The following RAPGEF2 variants were observed in gnomAD, a reference collection of about 807,000 sequenced individuals.
RAPGEF2 encodes Rap guanine nucleotide exchange factor 2.
RAPGEF2 carries 54 observed loss-of-function variants against 186.7 expected under a neutral mutation model. The ratio of observed to expected loss-of-function variants is 0.29; its 90% confidence interval spans 0.23 to 0.36. The LOEUF (loss-of-function observed/expected upper bound fraction) is 0.36. Among genes scored for constraint, RAPGEF2 ranks in the 10% least tolerant of loss-of-function variants. The pLI is 1.00. For synonymous variants in RAPGEF2, 712 were observed against 705.9 expected (o/e 1.01, Z -0.14); for missense variants, 1,532 against 2,045.0 (o/e 0.75, Z 4.84).
At chr4:159,243,734 C>T (rs1754281573) in intron 6 of RAPGEF2, 40 bp from the exon 7 acceptor site, 1 of 1,244,378 alleles carries the variant, frequency 8.0e-7, no homozygotes, top group African/African-American at 1.5e-5. Flanking sequence ...TCATCTTTTC[C>T]TTTCCTCCTT....
chr4:159,228,485 T>A (rs1276896063), intron 4 of RAPGEF2: 2 of 152,192 alleles, frequency 1.3e-5, no homozygotes, highest in Non-Finnish European at 2.9e-5. Context: ...GCCTTCGTAT[T>A]GTATAATAAT....
At chr4:159,173,702 TAGAG>T (rs1487319917) in intron 1 of RAPGEF2, among the ~76,000 whole-genome samples, 3 of 152,190 alleles carry the variant, frequency 2.0e-5, no homozygotes, top group Non-Finnish European at 4.4e-5. Context: ...ATCATTTTAT[TAGAG>T]AGAGAGTGTA....
intron 1 of RAPGEF2, among the ~76,000 whole-genome samples, chr4:159,176,026 T>C (rs1561046678): frequency 6.6e-6 from 1 of 152,152 alleles, no homozygotes; most frequent in Non-Finnish European, 1.5e-5. Context: ...ATAGAGCACA[T>C]GTGAAGGCCC....
chr4:159,238,567 C>T (rs759153828), intron 4 of RAPGEF2, among the ~76,000 whole-genome samples: 2 of 152,130 alleles, frequency 1.3e-5, no homozygotes, highest in Non-Finnish European at 2.9e-5. Flanking sequence ...CCTTTACTTA[C>T]ATTATTAATT....
intron 1 of RAPGEF2, among the ~76,000 whole-genome samples, chr4:159,179,280 T>C (rs1395230137): frequency 6.6e-6 from 1 of 152,116 alleles, no homozygotes; most frequent in Non-Finnish European, 1.5e-5. Flanking sequence ...GTTGGGAAGG[T>C]TAGAAATTTT....
chr4:159,356,334 T>C lies in RAPGEF2; in HGVS notation c.4957+176T>C, dbSNP rs80103821. On this transcript the variant is annotated intron_variant, in intron 29 of 29. Coordinates refer to ENST00000691494, the MANE Select transcript of RAPGEF2 (RefSeq NM_001394067.2). ...GGTTACAGCTGTTGACTGCTTTCTT[T>C]TGTGTGTGTGTGTGTGTTTCCTTAA... Among the ~76,000 whole-genome samples, 902 of 151,648 alleles carry C rather than the reference T, an allele frequency of 5.9e-3. 5 individuals carry two copies. Among genetic ancestry groups the C allele is most frequent in the Non-Finnish European group, 9.1e-3 (617 of 67,834 alleles).
Position 159,331,449 on chromosome 4 carries a change from T to C in RAPGEF2, c.1486T>C (p.Leu496=), listed in dbSNP as rs759252424. The C allele has an allele frequency of 3.2e-5, 51 of 1,610,874 alleles. No individual in the cohort carries two copies. Among genetic ancestry groups the C allele is most frequent in the Non-Finnish European group, 4.2e-5 (49 of 1,177,656 alleles). Residue 496 remains leucine (L), a synonymous_variant, in exon 14 of 30, where the codon TTG becomes CTG. Transcript: ENST00000691494. ...TTTTCAGGTTACACGGGTAGTATTA[T>C]TGTGGGTAAATAATCACTTCAATGA... is the stretch of plus-strand genomic sequence containing the variant. ...LRDKVTRVVL[L]WVNNHFNDFE...
intron 4 of RAPGEF2, among the ~76,000 whole-genome samples, chr4:159,210,954 A>C (rs549159201): frequency 6.6e-6 from 1 of 152,328 alleles, no homozygotes; most frequent in South Asian, 2.1e-4. Context: ...GAGGCAAAGA[A>C]AGTTCATTAA....
chr4:159,104,302 C>T lies in RAPGEF2; in HGVS notation c.69+71C>T. 4 of 800,762 alleles carry T rather than the reference C, an allele frequency of 5.0e-6. No individual in the cohort carries two copies. The South Asian group carries it at 5.5e-5, about 11-fold the overall frequency. The allele number at this position is 800,762 out of a possible 1,614,324, so 49.6% of individuals were successfully genotyped here. On this transcript the variant is annotated intron_variant, in intron 1 of 29. Coordinates refer to ENST00000691494, the MANE Select transcript of RAPGEF2 (RefSeq NM_001394067.2). ...CAGGCTGCGTCTTCCCCTGTCCCCC[C>T]ACCTCCTTCCTGACACAGTTCGCCC...
At chr4:159,272,202 G>A (rs541962768) in intron 7 of RAPGEF2, among the ~76,000 whole-genome samples, 51 of 152,228 alleles carry the variant, frequency 3.4e-4, no homozygotes, top group African/African-American at 9.2e-4. Context: ...TACAGGCCAC[G>A]ATTCATTTGT....
intron 13 of RAPGEF2, 77 bp from the exon 14 acceptor site, chr4:159,331,354 G>T: frequency 3.9e-6 from 3 of 778,246 alleles, no homozygotes; most frequent in South Asian, 2.0e-5. Context: ...TTGAAAGTTG[G>T]ATATCTTTTC....
chr4:159,348,237 TA>T (rs1561329794), intron 25 of RAPGEF2, among the ~76,000 whole-genome samples: 16 of 135,116 alleles, frequency 1.2e-4, no homozygotes, highest in African/African-American at 3.3e-4. Context: ...GATAGATAGA[TA>T]GATAGATGGA....
At chr4:159,260,117 A>G (rs1311416778) in intron 7 of RAPGEF2, among the ~76,000 whole-genome samples, 1 of 151,996 alleles carries the variant, frequency 6.6e-6, no homozygotes, top group Non-Finnish European at 1.5e-5. Flanking sequence ...CCTCACAAGT[A>G]GCTGGTATTA....
chr4:159,203,903 C>A (rs1275413999), intron 3 of RAPGEF2, among the ~76,000 whole-genome samples: 1 of 152,218 alleles, frequency 6.6e-6, no homozygotes, highest in Non-Finnish European at 1.5e-5. Flanking sequence ...GAACTAGAAT[C>A]TCAGAATTTG....
Position 159,103,782 on chromosome 4 carries a change from G to C in RAPGEF2, c.-381G>C, listed in dbSNP as rs1272187438. On this transcript the variant is annotated 5_prime_UTR_variant, in exon 1 of 30. Transcript: ENST00000691494. ...CCTAAAAATAACTCGGGCCCGCTGGGGCCAGGAGGAGCCGCCACTGTCCCC... is the reference window on the plus strand; with the variant it reads ...CCTAAAAATAACTCGGGCCCGCTGGCGCCAGGAGGAGCCGCCACTGTCCCC... The C allele has an allele frequency of 6.6e-6, 1 of 152,610 alleles. No homozygotes were observed. Among genetic ancestry groups the C allele is most frequent in the Non-Finnish European group, 1.5e-5 (1 of 68,384 alleles). 9.5% of individuals were successfully genotyped at this position (152,610 alleles called of 1,614,324 possible).
chr4:159,328,312 A>G (rs1766212113), intron 11 of RAPGEF2: 1 of 152,144 alleles, frequency 6.6e-6, no homozygotes, highest in Admixed American at 6.5e-5. Context: ...TTAACAGTTT[A>G]TTTATAAAAT....
At chr4:159,127,252 C>T (rs1740430976) in intron 1 of RAPGEF2, among the ~76,000 whole-genome samples, 1 of 152,180 alleles carries the variant, frequency 6.6e-6, no homozygotes, top group African/African-American at 2.4e-5. Flanking sequence ...GTTTTGAATT[C>T]CTGACCTCAG....
Position 159,104,126 on chromosome 4 carries a change from G to C in RAPGEF2, c.-37G>C. On this transcript the variant is annotated 5_prime_UTR_variant, in exon 1 of 30. Transcript: ENST00000691494. Reference sequence around the variant, plus strand: ...CGCTGGGCCGGGAGGAGGCCGGCCAGGGTGCGGAGCGGCCCCGGCCCGCTC... The same window carrying C: ...CGCTGGGCCGGGAGGAGGCCGGCCACGGTGCGGAGCGGCCCCGGCCCGCTC... 7.0e-7 allele frequency: 1 copy of C among 1,420,894 alleles called. No homozygotes were observed. The highest frequency in any genetic ancestry group is 9.3e-7 in the Non-Finnish European group (1 of 1,071,882). The allele number at this position is 1,420,894 out of a possible 1,614,324, so 88.0% of individuals were successfully genotyped here.
chr4:159,165,725 A>G (rs1579350201), intron 1 of RAPGEF2, among the ~76,000 whole-genome samples: 1 of 151,954 alleles, frequency 6.6e-6, no homozygotes, highest in Non-Finnish European at 1.5e-5. Flanking sequence ...TTGAGTAGGG[A>G]AAGACTACAG....
Sources: allele counts gnomAD v4.1 joint callset (sites outside exome capture counted in the v4.1 genomes callset), GRCh38; gene constraint gnomAD v4.1.1; transcripts MANE v1.5; gene names NCBI Gene and HGNC (gene_info 2026-07-23, HGNC 2026-07-21).